Variants in RAPGEF5 observed in about 807,000 individuals in gnomAD.
The protein encoded by RAPGEF5 is M-Ras-regulated GEF.
Under a neutral mutation model 125.2 loss-of-function variants are expected in RAPGEF5, and 65 were observed. The observed-to-expected ratio is 0.52, with a 90% confidence interval of 0.43 to 0.64. The LOEUF (loss-of-function observed/expected upper bound fraction) is 0.64. Among genes scored for constraint, RAPGEF5 ranks in the 30% least tolerant of loss-of-function variants. The pLI is 0.00. For missense variants in RAPGEF5, 958 were observed against 1,048.1 expected, an observed-to-expected ratio of 0.91 and a Z score of 1.19; for synonymous variants, 391 against 385.9, an observed-to-expected ratio of 1.01 and a Z score of -0.16.
chr7:22,278,238 T>G, intron 6 of RAPGEF5, among the ~76,000 whole-genome samples: 1 of 152,104 alleles, frequency 6.6e-6, no homozygotes, highest in East Asian at 1.9e-4. Context: ...TCTCAAGTCT[T>G]ACGATCTATC....
chr7:22,223,448 A>G (rs534030230), intron 8 of RAPGEF5, among the ~76,000 whole-genome samples: 1 of 152,336 alleles, frequency 6.6e-6, no homozygotes, highest in African/African-American at 2.4e-5. Context: ...AATTCTTCCA[A>G]AGAGGTTTGT....
intron 1 of RAPGEF5, among the ~76,000 whole-genome samples, chr7:22,324,455 T>A (rs891958452): frequency 6.6e-6 from 1 of 152,208 alleles, no homozygotes; most frequent in African/African-American, 2.4e-5. Context: ...TTTTAGTTAA[T>A]CGTGTGGATA....
intron 21 of RAPGEF5, among the ~76,000 whole-genome samples, chr7:22,138,579 G>A (rs568491221): frequency 1.3e-5 from 2 of 152,268 alleles, no homozygotes; most frequent in South Asian, 2.1e-4. Flanking sequence ...GGACCTCGAA[G>A]GCCCTGCAGC....
chr7:22,226,351 A>C (rs183699131), intron 8 of RAPGEF5, among the ~76,000 whole-genome samples: 369 of 152,356 alleles, frequency 2.4e-3, no homozygotes, highest in Admixed American at 4.8e-3. Flanking sequence ...AAATGACAGA[A>C]TAAAACACTG....
chr7:22,163,402 T>C (rs1346248878), intron 12 of RAPGEF5, among the ~76,000 whole-genome samples: 1 of 152,138 alleles, frequency 6.6e-6, no homozygotes, highest in African/African-American at 2.4e-5. Context: ...GCACAATGTA[T>C]TGTTGAGTAG....
chr7:22,327,781 T>C (rs907870488), intron 1 of RAPGEF5, among the ~76,000 whole-genome samples: 2 of 152,260 alleles, frequency 1.3e-5, no homozygotes, highest in African/African-American at 4.8e-5. Context: ...AACTTCAGCA[T>C]GCATCAGACA....
Position 22,123,366 on chromosome 7 carries a change from G to A in RAPGEF5, c.2537-845C>T, listed in dbSNP as rs114358683. Among the ~76,000 whole-genome samples the A allele has an allele frequency of 7.9e-3, 1,199 of 152,272 alleles. 9 individuals carry two copies. Among genetic ancestry groups the A allele is most frequent in the African/African-American group, 0.027 (1,115 of 41,540 alleles). On this transcript the variant is annotated intron_variant, in intron 25 of 25. Transcript: ENST00000665637. ...ACACACACACAAGCAAACCATTTGA[G>A]GCTGGGGAACACTGGCCAAACTGCA...
At chr7:22,186,559 T>A (rs1383790215) in intron 11 of RAPGEF5, among the ~76,000 whole-genome samples, 1 of 152,226 alleles carries the variant, frequency 6.6e-6, no homozygotes, top group East Asian at 1.9e-4. Flanking sequence ...TCCAATAGAA[T>A]ATAAGCCTTC....
At chr7:22,128,513 A>C (rs963846360) in intron 24 of RAPGEF5, among the ~76,000 whole-genome samples, 1 of 152,248 alleles carries the variant, frequency 6.6e-6, no homozygotes, top group Non-Finnish European at 1.5e-5. Flanking sequence ...TTATCGTGAA[A>C]GATGATCCTG....
At chr7:22,125,579 T>C in intron 25 of RAPGEF5, 25 bp downstream of exon 25, 2 of 1,593,942 alleles carry the variant, frequency 1.3e-6, no homozygotes, top group Non-Finnish European at 1.7e-6. Flanking sequence ...CAATTTACAT[T>C]CCGCACCTGA....
rs1583405625 is a variant in RAPGEF5, at chr7:22,143,465, C to T, written c.2186+1579G>A. 5.3e-5 allele frequency among the ~76,000 whole-genome samples: 8 copies of T among 152,292 alleles called. 2 individuals are homozygous for T. The highest frequency in any genetic ancestry group is 4.6e-4 in the Admixed American group (7 of 15,300). ...TCTCCCTTCTCAATTCAGTTCAAAC[C>T]CTTCAATCTGAAATTCAAGATCTTT... is the stretch of plus-strand genomic sequence containing the variant. On this transcript the variant is annotated intron_variant, in intron 20 of 25. Transcript: ENST00000665637.
intron 11 of RAPGEF5, among the ~76,000 whole-genome samples, chr7:22,187,873 A>G (rs1041417990): frequency 3.3e-5 from 5 of 152,218 alleles, no homozygotes; most frequent in Admixed American, 6.5e-5. Flanking sequence ...GTGTCTTTCA[A>G]CTTGGCTGCG....
At chr7:22,251,296 G>A (rs1054271423) in intron 7 of RAPGEF5, among the ~76,000 whole-genome samples, 1 of 144,606 alleles carries the variant, frequency 6.9e-6, no homozygotes, top group East Asian at 2.0e-4. Flanking sequence ...AACCACTCAC[G>A]TACCCTCCAG....
chr7:22,207,371 T>C (rs1785420385), intron 9 of RAPGEF5, among the ~76,000 whole-genome samples: 1 of 152,150 alleles, frequency 6.6e-6, no homozygotes, highest in African/African-American at 2.4e-5. Flanking sequence ...TTATAGTTTA[T>C]AATAGCAAAA....
At chr7:22,347,758 C>G (rs1006150824) in intron 1 of RAPGEF5, among the ~76,000 whole-genome samples, 3 of 152,140 alleles carry the variant, frequency 2.0e-5, no homozygotes, top group Admixed American at 6.5e-5. Context: ...ATGAGACCAT[C>G]TGCGACATAA....
At chr7:22,183,800 C>T (rs1784748659) in intron 11 of RAPGEF5, among the ~76,000 whole-genome samples, 2 of 152,196 alleles carry the variant, frequency 1.3e-5, no homozygotes, top group South Asian at 4.1e-4. Flanking sequence ...AACCTCCACT[C>T]TAACCTGTCA....
chr7:22,240,006 C>T (rs1270537871), intron 7 of RAPGEF5, among the ~76,000 whole-genome samples: 2 of 151,620 alleles, frequency 1.3e-5, no homozygotes, highest in Admixed American at 1.3e-4. Context: ...GTCAAGAGTT[C>T]GAGACCAGCC....
intron 1 of RAPGEF5, among the ~76,000 whole-genome samples, chr7:22,330,481 T>C (rs1783895819): frequency 6.6e-6 from 1 of 152,168 alleles, no homozygotes; most frequent in African/African-American, 2.4e-5. Context: ...AGGCAGCCCT[T>C]CCATTTCTAA....
chr7:22,222,220 C>A (rs1356069655), intron 8 of RAPGEF5, among the ~76,000 whole-genome samples: 1 of 152,054 alleles, frequency 6.6e-6, no homozygotes, highest in African/African-American at 2.4e-5. Context: ...CACTGGACGA[C>A]AGAGCGAGAG....
Sources: gnomAD v4.1 joint callset for allele counts (sites outside exome capture counted in the v4.1 genomes callset) on GRCh38, gnomAD v4.1.1 for gene constraint, MANE v1.5 for transcripts, NCBI Gene and HGNC (gene_info 2026-07-23, HGNC 2026-07-21) for gene names.